FBXO38: variants seen among roughly 807,000 people sequenced by gnomAD.
FBXO38 encodes the protein F-box only protein 38.
In FBXO38, 53 loss-of-function variants were observed where a neutral mutation model predicts 131.9. That is an observed-to-expected ratio of 0.40 (90% confidence interval 0.32 to 0.51). FBXO38 has a LOEUF of 0.51. FBXO38 is among the 20% of genes least tolerant of loss of function. The probability of loss-of-function intolerance (pLI) is 0.53; values close to 1 mark genes in which losing one functional copy is unlikely to be tolerated. For missense variants in FBXO38, 1,076 were observed against 1,475.6 expected (o/e 0.73, Z 4.44); for synonymous variants, 452 against 505.6 (o/e 0.89, Z 1.42).
At chr5:148,430,155 A>ATTTT (rs200540373) in intron 15 of FBXO38, 63 of 91,198 alleles carry the variant, frequency 6.9e-4, no homozygotes, top group African/African-American at 2.5e-3. Flanking sequence ...TATTATTATT[A>ATTTT]TTATTTTTTT....
intron 9 of FBXO38, 51 bp downstream of exon 9, chr5:148,410,816 G>T: frequency 6.5e-7 from 1 of 1,533,830 alleles, no homozygotes; most frequent in South Asian, 1.2e-5. Context: ...AAATTTACTT[G>T]ACAAACTGAA....
At chr5:148,440,654 A>G (rs1209853763) in intron 20 of FBXO38, 127 bp downstream of exon 20, 1 of 586,998 alleles carries the variant, frequency 1.7e-6, no homozygotes, top group Non-Finnish European at 3.0e-6. Flanking sequence ...GGCCTGGGAA[A>G]CAAAACCTGG....
intron 12 of FBXO38, 61 bp downstream of exon 12, chr5:148,417,265 G>C: frequency 8.4e-7 from 1 of 1,192,570 alleles, no homozygotes; most frequent in Admixed American, 1.8e-5. Context: ...TTGTATTTCT[G>C]GCTTTATCCT....
chr5:148,409,080 A>G, intron 7 of FBXO38, 44 bp from the exon 8 acceptor site: 4 of 1,114,174 alleles, frequency 3.6e-6, no homozygotes, highest in Non-Finnish European at 5.5e-6. Flanking sequence ...ATACTTCACT[A>G]AAAATGCTAT....
intron 13 of FBXO38, among the ~76,000 whole-genome samples, chr5:148,424,564 A>G (rs1484398215): frequency 6.6e-6 from 1 of 152,204 alleles, no homozygotes; most frequent in African/African-American, 2.4e-5. Flanking sequence ...ATAGAGTCTT[A>G]GGCCCTTAAA....
chr5:148,391,892 A>T (rs1758214098), intron 1 of FBXO38, among the ~76,000 whole-genome samples: 1 of 152,198 alleles, frequency 6.6e-6, no homozygotes, highest in South Asian at 2.1e-4. Flanking sequence ...AAAATGTTGT[A>T]TGCAGACACA....
chr5:148,422,545 C>T (rs957216185), intron 12 of FBXO38, among the ~76,000 whole-genome samples: 1 of 152,062 alleles, frequency 6.6e-6, no homozygotes, highest in Non-Finnish European at 1.5e-5. Flanking sequence ...TTTTTTCTCC[C>T]CCAACTAGAG....
At chr5:148,404,225 A>G (rs187340765) in intron 5 of FBXO38, among the ~76,000 whole-genome samples, 1 of 152,232 alleles carries the variant, frequency 6.6e-6, no homozygotes, top group Non-Finnish European at 1.5e-5. Context: ...GCATATTTAA[A>G]CCCATCTAGC....
rs1758297539 is a variant in FBXO38, at chr5:148,393,191, GT to G, written c.-63-1522del. On this transcript the variant is annotated intron_variant, in intron 1 of 21. Coordinates refer to ENST00000340253, the MANE Select transcript of FBXO38 (RefSeq NM_205836.3). ...TGGTTAGAAACAACAGAAGAGGGGT[GT>G]GTGTGTGTGTGTGTGTGTGTGTGTG... Among the ~76,000 whole-genome samples the G allele has an allele frequency of 2.7e-4, 27 of 100,522 alleles. No individual in the cohort carries two copies. The East Asian group carries it at 3.4e-3, about 13-fold the overall frequency. 65.9% of individuals were successfully genotyped at this position (100,522 alleles called of 152,430 possible). A position where few individuals can be genotyped will look rare whatever the true frequency, so the allele number is the denominator to read the frequency against.
intron 1 of FBXO38, among the ~76,000 whole-genome samples, chr5:148,392,955 A>T (rs1185394721): frequency 6.6e-6 from 1 of 152,150 alleles, no homozygotes; most frequent in Non-Finnish European, 1.5e-5. Flanking sequence ...GCAGTGGTTA[A>T]TCAGAAGCAG....
intron 1 of FBXO38, among the ~76,000 whole-genome samples, chr5:148,393,280 T>G (rs2113499300): frequency 6.9e-6 from 1 of 144,462 alleles, no homozygotes; most frequent in African/African-American, 2.6e-5. Flanking sequence ...AAATAGCACA[T>G]AACCTTTCAG....
chr5:148,402,487 C>T lies in FBXO38; in HGVS notation c.566C>T (p.Ala189Val). 1.9e-6 allele frequency: 3 copies of T among 1,610,236 alleles called. No homozygotes were observed. Among genetic ancestry groups the T allele is most frequent in the Non-Finnish European group, 2.5e-6 (3 of 1,177,976 alleles). Reference protein sequence around the residue: ...PENKLKIPIGAKIQTLHLVGV... With the variant: ...PENKLKIPIGVKIQTLHLVGV... The stretch of plus-strand genomic sequence containing the variant: ...AATAAACTGAAAATTCCTATAGGAG[C>T]CAAAATTCAAACTTTACATTTAGTT... The change falls in exon 5 of 22, where the codon GCC becomes GTC. Residue 189 changes from alanine to valine, a missense_variant. Physicochemically the swap from Ala to Val is moderately conservative, Grantham distance 64. Transcript: ENST00000340253.
chr5:148,399,103 C>A lies in FBXO38; in HGVS notation c.233C>A (p.Ala78Glu), dbSNP rs996604793. Reference protein sequence around the residue: ...LRVVRVVDLCAGRWWEYMPSG... With the variant: ...LRVVRVVDLCEGRWWEYMPSG... ...GTTGTGAGAGTTGTAGATCTCTGTG[C>A]AGGGCGGTGGTGGGAATACATGCCA... Residue 78 changes from alanine to glutamate, a missense_variant, in exon 3 of 22, where the codon GCA (alanine) becomes GAA (glutamate). By Grantham distance (107) the Ala-to-Glu change is moderately radical (BLOSUM62 -1). Transcript: ENST00000340253. The A allele has an allele frequency of 3.1e-6, 5 of 1,610,274 alleles. No homozygotes were observed. The highest frequency in any genetic ancestry group is 4.2e-6 in the Non-Finnish European group (5 of 1,178,372).
chr5:148,427,425 A>C lies in FBXO38; in HGVS notation c.2131A>C (p.Thr711Pro). The C allele has an allele frequency of 6.2e-7, 1 of 1,614,232 alleles. No individual in the cohort carries two copies. Among genetic ancestry groups the C allele is most frequent in the Non-Finnish European group, 8.5e-7 (1 of 1,180,040 alleles). Residue 711 changes from threonine (T) to proline (P), a missense_variant, in exon 15 of 22, where the codon ACA (threonine) becomes CCA (proline). Around this residue, in one of 8 missense-constraint regions of FBXO38, gnomAD observed 213 missense variants for 225.2 expected, o/e 0.95. Coordinates refer to ENST00000340253, the MANE Select transcript of FBXO38 (RefSeq NM_205836.3). ...CAGCTGCAGCAGCACCACCGCCAGC[A>C]CAGTGGGAAACTCCAGCTCACACAA... Reference protein sequence around the residue: ...YPSCSSTTASTVGNSSSHNTA... With the variant: ...YPSCSSTTASPVGNSSSHNTA...
intron 17 of FBXO38, among the ~76,000 whole-genome samples, chr5:148,436,767 C>A (rs1460513481): frequency 6.6e-6 from 1 of 152,198 alleles, no homozygotes; most frequent in African/African-American, 2.4e-5. Context: ...ACCTTGGGGA[C>A]CCCAGACTCT....
At position 148,399,482 on chromosome 5, in the gene FBXO38, G is replaced by T. The variant is rs975477133; in HGVS notation, c.262+350G>T. The stretch of plus-strand genomic sequence containing the variant: ...TCTGATGCATGTTTTCCGGTGAATG[G>T]TAACAGTTTTCATCATAGATTTCCT... On this transcript the variant is annotated intron_variant, in intron 3 of 21. Coordinates refer to ENST00000340253, the MANE Select transcript of FBXO38 (RefSeq NM_205836.3). 9 of 174,518 alleles carry T rather than the reference G, an allele frequency of 5.2e-5. No individual in the cohort carries two copies. The South Asian group carries it at 1.4e-3, about 27-fold the overall frequency. The allele number at this position is 174,518 out of a possible 1,614,324, so 10.8% of individuals were successfully genotyped here.
intron 1 of FBXO38, among the ~76,000 whole-genome samples, chr5:148,387,068 C>T (rs1757951011): frequency 6.6e-6 from 1 of 151,820 alleles, no homozygotes; most frequent in Non-Finnish European, 1.5e-5. Flanking sequence ...GTGAAGTTTG[C>T]CTCATTGATT....
chr5:148,431,470 A>G (rs1754039546), intron 15 of FBXO38, among the ~76,000 whole-genome samples: 1 of 152,218 alleles, frequency 6.6e-6, no homozygotes, highest in African/African-American at 2.4e-5. Flanking sequence ...CCATGCTCTG[A>G]TAAATTAAAG....
chr5:148,417,736 A>G (rs1175811127), intron 12 of FBXO38, among the ~76,000 whole-genome samples: 1 of 152,180 alleles, frequency 6.6e-6, no homozygotes, highest in African/African-American at 2.4e-5. Flanking sequence ...TCATTAATAT[A>G]TATTGAATAC....
Sources: gnomAD v4.1 joint callset for allele counts (sites outside exome capture counted in the v4.1 genomes callset) on GRCh38, gnomAD v4.1.1 for gene constraint, gnomAD v4.1.1 regional missense constraint, MANE v1.5 for transcripts, NCBI Gene and HGNC (gene_info 2026-07-23, HGNC 2026-07-21) for gene names.